The following SEC24A variants were observed in gnomAD, a reference collection of about 807,000 sequenced individuals.
SEC24A encodes protein transport protein Sec24A.
SEC24A carries 93 observed loss-of-function variants against 129.4 expected under a neutral mutation model. That is an observed-to-expected ratio of 0.72 (90% CI 0.61 to 0.85). The LOEUF is 0.85. Ranked by LOEUF, SEC24A falls within the 40% of genes least tolerant of loss-of-function variation. SEC24A has a pLI of 0.00. For synonymous variants in SEC24A, 460 were observed against 467.3 expected (o/e 0.98, Z 0.20); for missense variants, 1,264 against 1,307.4 (o/e 0.97, Z 0.51).
In SEC24A at chr5:134,661,282, T is replaced by C; in HGVS notation, c.261T>C (p.Asn87=). Residue 87 remains asparagine, a synonymous_variant, in exon 2 of 23, where the codon AAT becomes AAC. Transcript: ENST00000398844. ...CTCAGGGATCTGGGCAGACTCTTAA[T>C]AGACCACCTGTGGCCTCTAATCCAG... ...GGSQGSGQTL[N]RPPVASNPVT... The C allele has an allele frequency of 6.2e-7, 1 of 1,614,204 alleles. No homozygotes were observed.
intron 20 of SEC24A, 39 bp from the exon 21 acceptor site, chr5:134,720,959 G>GTA: frequency 9.0e-7 from 1 of 1,109,570 alleles, no homozygotes; most frequent in Middle Eastern, 2.0e-4. Flanking sequence ...TCACCTTTAT[G>GTA]TATGCTGCAT....
At chr5:134,659,332 A>G (rs960815097) in intron 1 of SEC24A, among the ~76,000 whole-genome samples, 2 of 152,082 alleles carry the variant, frequency 1.3e-5, no homozygotes, top group African/African-American at 2.4e-5. Context: ...TTGGCCTCCC[A>G]AAGTGCTGGG....
At chr5:134,667,462 A>T (rs1420993429) in intron 3 of SEC24A, among the ~76,000 whole-genome samples, 4 of 151,780 alleles carry the variant, frequency 2.6e-5, no homozygotes, top group Admixed American at 2.6e-4. Flanking sequence ...CATCCTGGCT[A>T]ACATGGTGAA....
At position 134,686,856 on chromosome 5, in the gene SEC24A, G is replaced by A. The variant is rs1751472191; in HGVS notation, c.1558G>A (p.Gly520Arg). ...FDVSHNAVET[G>R]YLNSVCQSLL... The stretch of plus-strand genomic sequence containing the variant: ...TGTGTCTCACAATGCAGTCGAAACT[G>A]GATACTTGAATTCAGTTTGCCAGAG... The change falls in exon 10 of 23, where the codon GGA (glycine) becomes AGA (arginine). Residue 520 changes from glycine (G) to arginine (R), a missense_variant. Physicochemically the swap from Gly to Arg is moderately radical, Grantham distance 125. Coordinates refer to ENST00000398844, the MANE Select transcript of SEC24A (RefSeq NM_021982.3). 3.1e-6 allele frequency: 5 copies of A among 1,610,800 alleles called. No individual in the cohort carries two copies. Among genetic ancestry groups the A allele is most frequent in the Non-Finnish European group, 4.2e-6 (5 of 1,178,422 alleles).
chr5:134,671,701 T>A, intron 3 of SEC24A, 108 bp from the exon 4 acceptor site: 1 of 671,272 alleles, frequency 1.5e-6, no homozygotes, highest in Non-Finnish European at 2.4e-6. Context: ...TGGTTTTAAA[T>A]TATTTGTTGT....
intron 1 of SEC24A, among the ~76,000 whole-genome samples, chr5:134,658,261 ACT>A (rs1491484315): frequency 6.6e-6 from 1 of 152,070 alleles, no homozygotes; most frequent in Non-Finnish European, 1.5e-5. Flanking sequence ...ACAGAGCGAG[ACT>A]CTGTCTCAAA....
chr5:134,670,294 T>C (rs1012917093), intron 3 of SEC24A, among the ~76,000 whole-genome samples: 1 of 152,238 alleles, frequency 6.6e-6, no homozygotes, highest in East Asian at 1.9e-4. Flanking sequence ...AAAGTTTTAC[T>C]GTGGTTTTCT....
chr5:134,719,292 G>C (rs966487416), intron 20 of SEC24A, among the ~76,000 whole-genome samples: 2 of 148,894 alleles, frequency 1.3e-5, no homozygotes, highest in African/African-American at 5.0e-5. Context: ...TGAGGTGTGA[G>C]AATCATCTGA....
At chr5:134,693,345 A>G in intron 12 of SEC24A, 1 of 1,374,456 alleles carries the variant, frequency 7.3e-7, no homozygotes, top group South Asian at 1.7e-5. Flanking sequence ...TTAGATTTGC[A>G]ACAGGGAAGA....
chr5:134,654,208 CA>C (rs1312392678), intron 1 of SEC24A, among the ~76,000 whole-genome samples: 136 of 147,064 alleles, frequency 9.2e-4, no homozygotes, highest in Middle Eastern at 3.4e-3. Context: ...TAGCCTTTTT[CA>C]AAAAAAAAAA....
intron 12 of SEC24A, chr5:134,692,925 A>T (rs1751705858): frequency 1.1e-6 from 1 of 897,148 alleles, no homozygotes; most frequent in Non-Finnish European, 1.8e-6. Context: ...CTGTCTTGTC[A>T]GCCATTTGGG....
At position 134,666,858 on chromosome 5, in the gene SEC24A, C is replaced by T; in HGVS notation, c.601C>T (p.Pro201Ser). 6.2e-7 allele frequency: 1 copy of T among 1,614,052 alleles called. No homozygotes were observed. The change falls in exon 3 of 23, where the codon CCT (proline) becomes TCT (serine). Residue 201 changes from proline to serine, a missense_variant. Coordinates refer to ENST00000398844, the MANE Select transcript of SEC24A (RefSeq NM_021982.3). ...ACCTCCCTTAGTGAATCCACCTCTG[C>T]CTACAACTTTTCAACCAGGAGCTCC... Reference protein sequence around the residue: ...SVPPLVNPPLPTTFQPGAPHG... With the variant: ...SVPPLVNPPLSTTFQPGAPHG...
chr5:134,672,870 G>A (rs76242428), intron 4 of SEC24A, among the ~76,000 whole-genome samples: 1,763 of 151,620 alleles, frequency 0.012, 29 homozygotes, highest in African/African-American at 0.035. Context: ...TGAGTAGCAG[G>A]GACTATAGGC....
Position 134,649,070 on chromosome 5 carries a change from A to G in SEC24A, c.-7A>G. 1.2e-6 allele frequency: 2 copies of G among 1,604,930 alleles called. No individual in the cohort carries two copies. Among genetic ancestry groups the G allele is most frequent in the Non-Finnish European group, 1.7e-6 (2 of 1,175,044 alleles). On this transcript the variant is annotated 5_prime_UTR_variant, in exon 1 of 23. Transcript: ENST00000398844. ...GACCCCGACCAGCCCCTTCCAACCC[A>G]GTCATCATGTCCCAGCCGGGAATAC...
intron 19 of SEC24A, among the ~76,000 whole-genome samples, chr5:134,715,991 C>CTGGGT (rs1441618678): frequency 2.5e-4 from 38 of 152,080 alleles, no homozygotes; most frequent in African/African-American, 8.7e-4. Flanking sequence ...TCTGAACACC[C>CTGGGT]AGTTCAATGT....
chr5:134,705,088 ATATT>A (rs897921574), intron 16 of SEC24A, among the ~76,000 whole-genome samples: 19 of 129,302 alleles, frequency 1.5e-4, no homozygotes, highest in Middle Eastern at 4.2e-3. Flanking sequence ...ATATATATAT[ATATT>A]TTTTTTTTTT....
At chr5:134,699,981 A>G (rs775977832) in intron 15 of SEC24A, among the ~76,000 whole-genome samples, 1 of 151,586 alleles carries the variant, frequency 6.6e-6, no homozygotes, top group African/African-American at 2.4e-5. Flanking sequence ...GATTACAGGT[A>G]TGAGCCACCG....
At chr5:134,682,265 G>T in intron 8 of SEC24A, 108 bp from the exon 9 acceptor site, 14 of 546,452 alleles carry the variant, frequency 2.6e-5, no homozygotes, top group Non-Finnish European at 3.6e-5. Context: ...GAAAATAATT[G>T]ACATTTAATG....
At chr5:134,678,017 GTTATTTAT>G (rs540190639) in intron 7 of SEC24A, among the ~76,000 whole-genome samples, 1 of 151,828 alleles carries the variant, frequency 6.6e-6, no homozygotes, top group Non-Finnish European at 1.5e-5. Flanking sequence ...CGTATTTACT[GTTATTTAT>G]TTATTTATTT....
Sources: allele counts gnomAD v4.1 joint callset (sites outside exome capture counted in the v4.1 genomes callset), GRCh38; gene constraint gnomAD v4.1.1; transcripts MANE v1.5; gene names NCBI Gene and HGNC (gene_info 2026-07-23, HGNC 2026-07-21).